The following TMEM135 variants were observed in gnomAD, a reference collection of about 807,000 sequenced individuals.
TMEM135 encodes the protein peroxisomal membrane protein 52.
In TMEM135, 30 loss-of-function variants were observed where a neutral mutation model predicts 60.3. The observed-to-expected ratio is 0.50, with a 90% CI of 0.37 to 0.68. The LOEUF (loss-of-function observed/expected upper bound fraction) is 0.68. TMEM135 is among the 30% of genes least tolerant of loss of function. The pLI is 0.00. For synonymous variants in TMEM135, 190 were observed against 186.7 expected (o/e 1.02, Z -0.14); for missense variants, 468 against 548.8 (o/e 0.85, Z 1.47).
chr11:87,137,735 A>G (rs1938143702), intron 4 of TMEM135, among the ~76,000 whole-genome samples: 1 of 151,918 alleles, frequency 6.6e-6, no homozygotes, highest in Non-Finnish European at 1.5e-5. Context: ...GGGGGAAAAA[A>G]CCTCATGCTT....
At chr11:87,085,287 AG>A (rs1045812507) in intron 3 of TMEM135, among the ~76,000 whole-genome samples, 5 of 152,292 alleles carry the variant, frequency 3.3e-5, no homozygotes, top group African/African-American at 9.6e-5. Context: ...GCTGTTAAGG[AG>A]GTGATTTGGG....
intron 6 of TMEM135, among the ~76,000 whole-genome samples, chr11:87,274,001 AGT>A (rs34056293): frequency 0.37 from 55,523 of 151,802 alleles, 10,798 homozygotes; most frequent in Non-Finnish European, 0.43. Flanking sequence ...ATGAAACTTG[AGT>A]GTTTTTAAAC....
At chr11:87,268,297 G>A (rs1200866227) in intron 6 of TMEM135, among the ~76,000 whole-genome samples, 1 of 136,204 alleles carries the variant, frequency 7.3e-6, no homozygotes, top group African/African-American at 2.8e-5. Context: ...TTATTTATTT[G>A]TAAAGACGGG....
At position 87,069,969 on chromosome 11, in the gene TMEM135, C is replaced by T. The variant is rs543547633; in HGVS notation, c.270-1554C>T. 1.1e-3 allele frequency among the ~76,000 whole-genome samples: 167 copies of T among 150,850 alleles called. 2 individuals are homozygous for T. Among genetic ancestry groups the T allele is most frequent in the African/African-American group, 3.9e-3 (161 of 40,988 alleles). ...GGAGGATTGCTTGAGGCTGTCAGTT[C>T]GAGGCCAGCTTGGGCAACATGGTGA... On this transcript the variant is annotated intron_variant, in intron 2 of 14. Transcript: ENST00000305494.
intron 3 of TMEM135, among the ~76,000 whole-genome samples, chr11:87,085,374 G>A (rs114418600): frequency 0.013 from 1,970 of 152,290 alleles, 50 homozygotes; most frequent in African/African-American, 0.046. Context: ...TTTCATAATA[G>A]TAACAGTATG....
At chr11:87,284,383 A>T (rs1164492043) in intron 6 of TMEM135, among the ~76,000 whole-genome samples, 3 of 152,202 alleles carry the variant, frequency 2.0e-5, no homozygotes, top group African/African-American at 7.2e-5. Context: ...TGACCTTCCT[A>T]GTTTGGACTT....
intron 4 of TMEM135, among the ~76,000 whole-genome samples, chr11:87,118,511 C>T (rs931809972): frequency 4.0e-5 from 6 of 151,494 alleles, no homozygotes; most frequent in South Asian, 2.1e-4. Flanking sequence ...TGCAATGACA[C>T]GATCTCAGCT....
At chr11:87,317,642 T>G (rs374252293) in intron 12 of TMEM135, among the ~76,000 whole-genome samples, 15 of 152,268 alleles carry the variant, frequency 9.9e-5, no homozygotes, top group African/African-American at 3.4e-4. Context: ...GCAAATATTT[T>G]AATGCCATGT....
intron 5 of TMEM135, among the ~76,000 whole-genome samples, chr11:87,234,111 C>T (rs1940943873): frequency 6.6e-6 from 1 of 151,944 alleles, no homozygotes. Flanking sequence ...AAAATCCTTC[C>T]AGGGGCTCTA....
chr11:87,236,266 G>A (rs764742106), intron 5 of TMEM135, among the ~76,000 whole-genome samples: 2 of 151,830 alleles, frequency 1.3e-5, no homozygotes, highest in African/African-American at 2.4e-5. Flanking sequence ...TATTAGGGGT[G>A]TCCAATCTTT....
chr11:87,212,917 T>C (rs1176959443), intron 5 of TMEM135, among the ~76,000 whole-genome samples: 1 of 152,076 alleles, frequency 6.6e-6, no homozygotes, highest in Non-Finnish European at 1.5e-5. Flanking sequence ...TTATAGAAAT[T>C]ACTATTTATT....
At chr11:87,128,643 T>G (rs1937807231) in intron 4 of TMEM135, among the ~76,000 whole-genome samples, 1 of 152,200 alleles carries the variant, frequency 6.6e-6, no homozygotes, top group African/African-American at 2.4e-5. Flanking sequence ...GGAAATGAAC[T>G]CTTATCTATT....
intron 6 of TMEM135, among the ~76,000 whole-genome samples, chr11:87,248,491 G>GTC (rs1941341449): frequency 1.3e-5 from 2 of 152,236 alleles, no homozygotes; most frequent in African/African-American, 4.8e-5. Context: ...CTTGCCATTT[G>GTC]TATGTCTTCT....
intron 6 of TMEM135, among the ~76,000 whole-genome samples, chr11:87,248,708 G>T (rs2135388523): frequency 6.6e-6 from 1 of 152,124 alleles, no homozygotes; most frequent in East Asian, 1.9e-4. Context: ...TTTGGGTAGT[G>T]TGGACATTTT....
intron 12 of TMEM135, among the ~76,000 whole-genome samples, chr11:87,316,008 G>A (rs1043376481): frequency 1.3e-5 from 2 of 151,894 alleles, no homozygotes; most frequent in Middle Eastern, 3.2e-3. Context: ...TGCCTCAGAT[G>A]TAGAATCAGT....
At chr11:87,195,448 C>T (rs867885643) in intron 5 of TMEM135, among the ~76,000 whole-genome samples, 18 of 148,338 alleles carry the variant, frequency 1.2e-4, no homozygotes, top group African/African-American at 4.0e-4. Context: ...GTTTTTGAGA[C>T]GGAGTTTTAC....
chr11:87,165,762 G>A (rs1199829671), intron 5 of TMEM135, among the ~76,000 whole-genome samples: 3 of 151,004 alleles, frequency 2.0e-5, no homozygotes, highest in East Asian at 3.9e-4. Context: ...GAAGGAAATA[G>A]AGACACAAAA....
At chr11:87,044,036 G>C (rs1191322674) in intron 1 of TMEM135, among the ~76,000 whole-genome samples, 5 of 152,084 alleles carry the variant, frequency 3.3e-5, no homozygotes, top group Admixed American at 3.3e-4. Flanking sequence ...GGGAAAGAAT[G>C]ATTTTAAAAC....
At chr11:87,318,355 C>A in intron 13 of TMEM135, 120 bp downstream of exon 13, 2 of 786,596 alleles carry the variant, frequency 2.5e-6, no homozygotes, top group Non-Finnish European at 4.1e-6. Context: ...TTTTAAGCTT[C>A]TTTTTTGTTT....
Sources: allele counts gnomAD v4.1 joint callset (sites outside exome capture counted in the v4.1 genomes callset), GRCh38; gene constraint gnomAD v4.1.1; transcripts MANE v1.5; gene names NCBI Gene and HGNC (gene_info 2026-07-23, HGNC 2026-07-21).